Variants in TCF3 observed in about 807,000 individuals in gnomAD.
The protein encoded by TCF3 is transcription factor E2-alpha.
Under a neutral mutation model 72.3 loss-of-function variants are expected in TCF3, and 54 were observed. That is an observed-to-expected ratio of 0.75 (90% CI 0.60 to 0.94). TCF3 has a LOEUF of 0.94. TCF3 is among the 40% of genes least tolerant of loss of function. TCF3 has a pLI of 0.00. For synonymous variants in TCF3, 525 were observed against 412.6 expected (o/e 1.27, Z -3.30); for missense variants, 1,078 against 934.4 (o/e 1.15, Z -2.00).
intron 8 of TCF3, among the ~76,000 whole-genome samples, chr19:1,623,278 C>T (rs922620117): frequency 6.6e-6 from 1 of 152,018 alleles, no homozygotes; most frequent in Non-Finnish European, 1.5e-5. Context: ...AGGAGTGTGG[C>T]ACAGCAGCCT....
rs369476320 is a variant in TCF3, at chr19:1,615,850, C to A, written c.1451-29G>T. On this transcript the variant is annotated intron_variant, in intron 16 of 18. Coordinates refer to ENST00000262965, the MANE Select transcript of TCF3 (RefSeq NM_003200.5). This position sits in a 1 kb window ranked among gnomAD's most constrained non-coding sequence, Gnocchi z 7.3. ...CAACAGGCCTAGGGTCAGGGGCCTG[C>A]GTCGGCCTCCAGGGCCAACTGACAT... 6.6e-7 allele frequency: 1 copy of A among 1,510,146 alleles called. No individual in the cohort carries two copies. The highest frequency in any genetic ancestry group is 8.9e-7 in the Non-Finnish European group (1 of 1,129,324). 93.5% of individuals were successfully genotyped at this position (1,510,146 alleles called of 1,614,324 possible). A position where few individuals can be genotyped will look rare whatever the true frequency, so the allele number is the denominator to read the frequency against.
At chr19:1,637,255 C>G (rs1048466247) in intron 3 of TCF3, among the ~76,000 whole-genome samples, 18 of 151,692 alleles carry the variant, frequency 1.2e-4, no homozygotes, top group African/African-American at 3.4e-4. Flanking sequence ...TCCACCAGAA[C>G]CGAGGACGCC....
chr19:1,622,440 G>T, intron 8 of TCF3, 25 bp from the exon 9 acceptor site: 1 of 1,238,326 alleles, frequency 8.1e-7, no homozygotes. Flanking sequence ...GCGGTGGGGG[G>T]TGCAGTCAGG....
intron 3 of TCF3, among the ~76,000 whole-genome samples, chr19:1,645,513 G>T (rs780014212): frequency 6.6e-6 from 1 of 151,090 alleles, no homozygotes; most frequent in Non-Finnish European, 1.5e-5. Flanking sequence ...CAGGGCGTCC[G>T]TACGGGCTGC....
Position 1,650,182 on chromosome 19 carries a change from T to G in TCF3, c.67A>C (p.Ser23Arg), listed in dbSNP as rs1247569590. ...GGGCGGGGGTCCTGGCTCACCATGC[T>G]GAAGTCCAGGAGGTCACTGAGCTCC... Reference protein sequence around the residue: ...DKELSDLLDFSMMFPLPVTNG... With the variant: ...DKELSDLLDFRMMFPLPVTNG... The change falls in exon 2 of 19, where the codon AGC (serine) becomes CGC (arginine). Residue 23 changes from serine to arginine, a missense_variant. By Grantham distance (110) the Ser-to-Arg change is moderately radical (BLOSUM62 -1). Coordinates refer to ENST00000262965, the MANE Select transcript of TCF3 (RefSeq NM_003200.5). The G allele has an allele frequency of 6.4e-7, 1 of 1,569,658 alleles. No individual in the cohort carries two copies. Among genetic ancestry groups the G allele is most frequent in the East Asian group, 2.3e-5 (1 of 43,540 alleles).
In TCF3 at chr19:1,619,764, C is replaced by T. The variant is rs1050549824; in HGVS notation, c.1167+16G>A. ...TCTGTCGGGGAAGGGTGGGGTGGGG[C>T]GGGGCAGGCACTCACCAGGCCGTGG... On this transcript the variant is annotated intron_variant, in intron 14 of 18. Transcript: ENST00000262965. The T allele has an allele frequency of 7.5e-4, 506 of 679,124 alleles. No individual in the cohort carries two copies. The highest frequency in any genetic ancestry group is 1.7e-3 in the Admixed American group (42 of 24,444). The allele number at this position is 679,124 out of a possible 1,614,324, so 42.1% of individuals were successfully genotyped here.
intron 2 of TCF3, among the ~76,000 whole-genome samples, chr19:1,647,669 T>C (rs950016190): frequency 1.3e-5 from 2 of 152,128 alleles, no homozygotes; most frequent in African/African-American, 4.8e-5. Context: ...GGCCAACCTC[T>C]CATTTGGGAA....
In TCF3 at chr19:1,622,062, C is replaced by T. The variant is rs756920681; in HGVS notation, c.814G>A (p.Glu272Lys). The stretch of plus-strand genomic sequence containing the variant: ...CCTGCCCTGGGTCCTACCATACGCT[C>T]GTGCTGGTGCAGGCCACCAAACGTG... ...SSTFGGLHQH[E>K]RMGYQLHGAE... The change falls in exon 10 of 19, where the codon GAG becomes AAG. Residue 272 changes from glutamate to lysine, a missense_variant. Coordinates refer to ENST00000262965, the MANE Select transcript of TCF3 (RefSeq NM_003200.5). 6.9e-6 allele frequency: 11 copies of T among 1,604,714 alleles called. No homozygotes were observed. The highest frequency in any genetic ancestry group is 4.0e-5 in the African/African-American group (3 of 74,768).
intron 6 of TCF3, 50 bp downstream of exon 6, chr19:1,627,307 GAC>G: frequency 6.7e-7 from 1 of 1,498,080 alleles, no homozygotes; most frequent in Non-Finnish European, 9.1e-7. Context: ...GAGGGTGGGT[GAC>G]AGATTTGTTT....
intron 13 of TCF3, among the ~76,000 whole-genome samples, chr19:1,620,437 G>C (rs900175695): frequency 2.6e-5 from 4 of 152,176 alleles, no homozygotes; most frequent in African/African-American, 7.2e-5. Context: ...ACCGCACAGG[G>C]TAAACAGTCA....
rs930186998 is a variant in TCF3, at chr19:1,652,362, C to G, written c.-102G>C. ...GGCGGCGGCATGAAGCGGGGGGGCC[C>G]CCCCCCGGACAAAGGTGCGTCGCGG... is the stretch of plus-strand genomic sequence containing the variant. On this transcript the variant is annotated 5_prime_UTR_variant, in exon 1 of 19. Transcript: ENST00000262965. 7.0e-6 allele frequency: 1 copy of G among 143,580 alleles called. No individual in the cohort carries two copies. Among genetic ancestry groups the G allele is most frequent in the Non-Finnish European group, 1.5e-5 (1 of 64,666 alleles). The allele number at this position is 143,580 out of a possible 1,614,324, so 8.9% of individuals were successfully genotyped here.
At chr19:1,638,273 C>A (rs754356226) in intron 3 of TCF3, among the ~76,000 whole-genome samples, 1 of 152,226 alleles carries the variant, frequency 6.6e-6, no homozygotes, top group Non-Finnish European at 1.5e-5. Flanking sequence ...TTGCTCAAGC[C>A]CTCACAGTAA....
At position 1,622,293 on chromosome 19, in the gene TCF3, GC is replaced by G; in HGVS notation, c.652+19del. The G allele has an allele frequency of 2.7e-6, 4 of 1,508,024 alleles. No individual in the cohort carries two copies. Among genetic ancestry groups the G allele is most frequent in the South Asian group, 1.3e-5 (1 of 76,596 alleles). The allele number at this position is 1,508,024 out of a possible 1,614,324, so 93.4% of individuals were successfully genotyped here. On this transcript the variant is annotated intron_variant, in intron 9 of 18. Coordinates refer to ENST00000262965, the MANE Select transcript of TCF3 (RefSeq NM_003200.5). ...AGCCCTGCCCTACCGTCCCTGGCGA[GC>G]CCCCGCCCTGCCATGTACCTGCCAC... is the stretch of plus-strand genomic sequence containing the variant.
chr19:1,636,902 G>A (rs548513420), intron 3 of TCF3, among the ~76,000 whole-genome samples: 2 of 152,190 alleles, frequency 1.3e-5, no homozygotes, highest in African/African-American at 2.4e-5. Flanking sequence ...CCCGCGAGCA[G>A]ACAAACCTGA....
intron 3 of TCF3, among the ~76,000 whole-genome samples, chr19:1,638,425 G>A (rs2064767923): frequency 6.6e-6 from 1 of 152,172 alleles, no homozygotes; most frequent in Admixed American, 6.6e-5. Context: ...CTGGACTACA[G>A]GCGCCCACCA....
At chr19:1,640,306 C>T (rs8102951) in intron 3 of TCF3, among the ~76,000 whole-genome samples, 2 of 151,860 alleles carry the variant, frequency 1.3e-5, no homozygotes, top group South Asian at 2.1e-4. Context: ...GAGGCCGAGG[C>T]GGGAGGATCA....
chr19:1,620,965 G>T lies in TCF3; in HGVS notation c.1093+3C>A. On this transcript the variant is annotated splice_donor_region_variant and intron_variant, in intron 13 of 18. Coordinates refer to ENST00000262965, the MANE Select transcript of TCF3 (RefSeq NM_003200.5). ...CTCCCCTCCCCCCAAAACCCTCACA[G>T]ACCTGCCAGGCCCTGGGGGGAGCCC... 6.8e-7 allele frequency: 1 copy of T among 1,478,808 alleles called. No individual in the cohort carries two copies. The highest frequency in any genetic ancestry group is 1.4e-5 in the African/African-American group (1 of 69,010). The allele number at this position is 1,478,808 out of a possible 1,614,324, so 91.6% of individuals were successfully genotyped here.
At chr19:1,649,470 C>T (rs1386493214) in intron 2 of TCF3, among the ~76,000 whole-genome samples, 1 of 152,116 alleles carries the variant, frequency 6.6e-6, no homozygotes, top group East Asian at 1.9e-4. Context: ...AGTGCAGTGG[C>T]GCAATCACAG....
In TCF3 at chr19:1,619,848, A is replaced by G; in HGVS notation, c.1099T>C (p.Ser367Pro). The G allele has an allele frequency of 6.3e-7, 1 of 1,577,152 alleles. No homozygotes were observed. The highest frequency in any genetic ancestry group is 1.2e-5 in the South Asian group (1 of 85,722). Residue 367 changes from serine (S) to proline (P), a missense_variant, in exon 14 of 19, where the codon TCA becomes CCA. Physicochemically the swap from Ser to Pro is moderately conservative, Grantham distance 74. Coordinates refer to ENST00000262965, the MANE Select transcript of TCF3 (RefSeq NM_003200.5). ...GGGGCTCCTGCTCGAGGCCACTGTG[A>G]CGTTCCTGGAAGGGAGTGGGGACGT... ...VGSPQGLAGT[S>P]QWPRAGAPGA...
Sources: allele counts gnomAD v4.1 joint callset (sites outside exome capture counted in the v4.1 genomes callset), GRCh38; gene constraint gnomAD v4.1.1; non-coding constraint Gnocchi (gnomAD v3.1); transcripts MANE v1.5; gene names NCBI Gene and HGNC (gene_info 2026-07-23, HGNC 2026-07-21).